Variants in PDE4B observed in about 807,000 individuals in gnomAD.
The protein encoded by PDE4B is phosphodiesterase 4B, also known as 3',5'-cyclic-AMP phosphodiesterase 4B.
In PDE4B, 20 loss-of-function variants were observed where a neutral mutation model predicts 82.2. The observed-to-expected ratio is 0.24, with a 90% CI of 0.17 to 0.35. The LOEUF (loss-of-function observed/expected upper bound fraction) is 0.35. PDE4B is among the 10% of genes least tolerant of loss of function. The probability of loss-of-function intolerance (pLI) is 1.00; values close to 1 mark genes in which losing one functional copy is unlikely to be tolerated. For synonymous variants in PDE4B, 320 were observed against 318.9 expected (o/e 1.00, Z -0.04); for missense variants, 655 against 907.2 (o/e 0.72, Z 3.57).
At chr1:66,330,831 G>A in intron 7 of PDE4B, 1 of 976,376 alleles carries the variant, frequency 1.0e-6, no homozygotes, top group Non-Finnish European at 1.2e-6. Context: ...GATGAAGAAA[G>A]GAAGGAAGGT....
chr1:65,894,901 A>C (rs79860333), intron 1 of PDE4B, among the ~76,000 whole-genome samples: 1 of 152,306 alleles, frequency 6.6e-6, no homozygotes, highest in African/African-American at 2.4e-5. Context: ...GCAAACGTGC[A>C]AAGTGTCTGG....
intron 8 of PDE4B, among the ~76,000 whole-genome samples, chr1:66,344,626 A>G (rs1216568489): frequency 1.3e-5 from 2 of 152,234 alleles, no homozygotes; most frequent in African/African-American, 4.8e-5. Flanking sequence ...AAAATAAACA[A>G]AAGTATGAAC....
intron 1 of PDE4B, among the ~76,000 whole-genome samples, chr1:65,908,096 C>A (rs947441856): frequency 6.6e-6 from 1 of 152,064 alleles, no homozygotes; most frequent in Non-Finnish European, 1.5e-5. Context: ...AATGAAGAAC[C>A]ATTTCTAGAG....
chr1:66,136,676 C>T (rs59400908), intron 3 of PDE4B, among the ~76,000 whole-genome samples: 59 of 113,938 alleles, frequency 5.2e-4, no homozygotes, highest in South Asian at 5.1e-3. Flanking sequence ...CCAGTCTGAA[C>T]GACAGAGCAA....
chr1:66,284,828 C>G (rs757464003), intron 7 of PDE4B, among the ~76,000 whole-genome samples: 11 of 152,220 alleles, frequency 7.2e-5, no homozygotes, highest in Admixed American at 1.3e-4. Flanking sequence ...CTTTGCATAC[C>G]TTCCAAGATT....
intron 1 of PDE4B, among the ~76,000 whole-genome samples, chr1:65,809,437 A>C (rs1044648872): frequency 6.6e-6 from 1 of 152,064 alleles, no homozygotes; most frequent in Admixed American, 6.6e-5. Context: ...TTGCCAAATG[A>C]CAGCAAACAT....
intron 3 of PDE4B, among the ~76,000 whole-genome samples, chr1:65,929,931 G>T (rs1647737377): frequency 1.3e-5 from 2 of 152,104 alleles, no homozygotes; most frequent in Admixed American, 6.5e-5. Flanking sequence ...ACTAATGAAA[G>T]AACTCCATTC....
chr1:65,956,895 A>G (rs374927751), intron 3 of PDE4B, among the ~76,000 whole-genome samples: 126 of 152,184 alleles, frequency 8.3e-4, no homozygotes, highest in African/African-American at 2.6e-3. Context: ...AAAGGTTCCT[A>G]TTTATCTGTG....
intron 1 of PDE4B, among the ~76,000 whole-genome samples, chr1:65,904,350 G>A (rs1266908209): frequency 6.6e-6 from 1 of 152,094 alleles, no homozygotes; most frequent in African/African-American, 2.4e-5. Context: ...AAAATACTTG[G>A]TGAATTCTTG....
At chr1:66,309,948 T>A (rs2101863100) in intron 7 of PDE4B, among the ~76,000 whole-genome samples, 1 of 152,250 alleles carries the variant, frequency 6.6e-6, no homozygotes, top group South Asian at 2.1e-4. Flanking sequence ...CCTGCCAGGC[T>A]CTCCCACTGT....
chr1:66,257,986 A>G (rs1177886955), intron 6 of PDE4B, 123 bp downstream of exon 6: 1 of 665,268 alleles, frequency 1.5e-6, no homozygotes, highest in Admixed American at 2.7e-5. Context: ...TAATATACAC[A>G]ATAAAATTTG....
chr1:66,036,058 A>G (rs545222108), intron 3 of PDE4B, among the ~76,000 whole-genome samples: 1 of 152,138 alleles, frequency 6.6e-6, no homozygotes, highest in Non-Finnish European at 1.5e-5. Flanking sequence ...GTGATATGTC[A>G]TTGTGGTTTT....
chr1:66,244,186 T>C (rs1653114240), intron 3 of PDE4B, among the ~76,000 whole-genome samples: 1 of 152,130 alleles, frequency 6.6e-6, no homozygotes, highest in Non-Finnish European at 1.5e-5. Flanking sequence ...TTCTGAAAAC[T>C]GTAGCACATA....
At chr1:65,823,193 C>G (rs886667179) in intron 1 of PDE4B, among the ~76,000 whole-genome samples, 9 of 151,726 alleles carry the variant, frequency 5.9e-5, no homozygotes, top group African/African-American at 1.9e-4. Context: ...GTCAGGAGTT[C>G]GAGACCAGCC....
chr1:66,021,716 C>T (rs1431133094), intron 3 of PDE4B, among the ~76,000 whole-genome samples: 1 of 152,036 alleles, frequency 6.6e-6, no homozygotes, highest in African/African-American at 2.4e-5. Context: ...TTATTGTAGC[C>T]TTGTAGTATA....
At chr1:66,222,046 A>G (rs971585755) in intron 3 of PDE4B, among the ~76,000 whole-genome samples, 1 of 152,198 alleles carries the variant, frequency 6.6e-6, no homozygotes, top group Non-Finnish European at 1.5e-5. Flanking sequence ...CTGGGTCATC[A>G]GTAACCCAGC....
At chr1:66,363,844 C>A (rs934371020) in intron 12 of PDE4B, among the ~76,000 whole-genome samples, 1 of 152,022 alleles carries the variant, frequency 6.6e-6, no homozygotes, top group Non-Finnish European at 1.5e-5. Flanking sequence ...GTAATTAGAC[C>A]ACCCTGCATA....
rs201979161 is a variant in PDE4B, at chr1:66,065,137, AT to A, written c.281+146308del. ...GATTTATAAATAATGTATTAAATTA[AT>A]TTTTTAAACATCAAAGAAATCACTT... On this transcript the variant is annotated intron_variant, in intron 3 of 16. Coordinates refer to ENST00000341517, the MANE Select transcript of PDE4B (RefSeq NM_002600.4). 8.4e-3 allele frequency among the ~76,000 whole-genome samples: 1,277 copies of A among 152,020 alleles called. 23 individuals are homozygous for A. The highest frequency in any genetic ancestry group is 0.029 in the African/African-American group (1,192 of 41,512).
At chr1:65,969,824 C>T (rs575424727) in intron 3 of PDE4B, among the ~76,000 whole-genome samples, 31 of 151,954 alleles carry the variant, frequency 2.0e-4, no homozygotes, top group East Asian at 5.8e-4. Flanking sequence ...TTTTTTTAGA[C>T]GCAGAGTTTT....
Sources: gnomAD v4.1 joint callset for allele counts (sites outside exome capture counted in the v4.1 genomes callset) on GRCh38, gnomAD v4.1.1 for gene constraint, MANE v1.5 for transcripts, NCBI Gene and HGNC (gene_info 2026-07-23, HGNC 2026-07-21) for gene names.